The following ZNF710 variants were observed in gnomAD, a reference collection of about 807,000 sequenced individuals.
ZNF710 encodes the protein zinc finger protein 710.
A neutral mutation model predicts 50.6 loss-of-function variants in ZNF710; 13 were observed. The observed-to-expected ratio is 0.26, with a 90% CI of 0.17 to 0.41. The LOEUF (loss-of-function observed/expected upper bound fraction) is 0.41. Ranked by LOEUF, ZNF710 falls within the 10% of genes least tolerant of loss-of-function variation. ZNF710 has a pLI of 1.00. For synonymous variants in ZNF710, 383 were observed against 397.0 expected, an observed-to-expected ratio of 0.96 and a Z score of 0.42; for missense variants, 721 against 936.6, an observed-to-expected ratio of 0.77 and a Z score of 3.01.
At chr15:90,031,983 G>C (rs1030442412) in intron 1 of ZNF710, among the ~76,000 whole-genome samples, 8 of 152,206 alleles carry the variant, frequency 5.3e-5, no homozygotes, top group Admixed American at 3.3e-4. Flanking sequence ...ATTATATTGT[G>C]TACTGAGTAT....
At chr15:90,036,965 A>G (rs1051802973) in intron 1 of ZNF710, among the ~76,000 whole-genome samples, 3 of 152,158 alleles carry the variant, frequency 2.0e-5, no homozygotes, top group African/African-American at 7.2e-5. Flanking sequence ...AAAGAACGCA[A>G]GAATTCTGGA....
At chr15:90,057,329 G>A (rs954092124) in intron 1 of ZNF710, among the ~76,000 whole-genome samples, 5 of 152,140 alleles carry the variant, frequency 3.3e-5, no homozygotes, top group Non-Finnish European at 7.3e-5. Context: ...GAAGGCACCT[G>A]GGGTGGGGAG....
rs147348207 is a variant in ZNF710, at chr15:90,081,729, C to A, written c.*1900C>A. On this transcript the variant is annotated 3_prime_UTR_variant, in exon 5 of 5. Coordinates refer to ENST00000268154, the MANE Select transcript of ZNF710 (RefSeq NM_198526.4). ...CTTTCTCCCCTGGTACCAAAAAGAACCCTGTACCTCTCCTCCTCCTCCTCC... is the reference window on the plus strand; with the variant it reads ...CTTTCTCCCCTGGTACCAAAAAGAAACCTGTACCTCTCCTCCTCCTCCTCC... 6.5e-6 allele frequency: 1 copy of A among 152,766 alleles called. No individual in the cohort carries two copies. The highest frequency in any genetic ancestry group is 2.4e-5 in the African/African-American group (1 of 41,572). The allele number at this position is 152,766 out of a possible 1,614,324, so 9.5% of individuals were successfully genotyped here. A position where few individuals can be genotyped will look rare whatever the true frequency, so the allele number is the denominator to read the frequency against.
intron 1 of ZNF710, among the ~76,000 whole-genome samples, chr15:90,058,701 T>A (rs116648544): frequency 0.098 from 14,025 of 142,400 alleles, 2,556 homozygotes; most frequent in African/African-American, 0.36. Flanking sequence ...CACTATATAT[T>A]TATATATATA....
At chr15:90,029,372 C>T (rs1219894451) in intron 1 of ZNF710, among the ~76,000 whole-genome samples, 5 of 152,156 alleles carry the variant, frequency 3.3e-5, no homozygotes, top group Admixed American at 2.6e-4. Context: ...CCCTTCTGGC[C>T]ATTTGACATC....
chr15:90,057,808 C>G (rs1899871008), intron 1 of ZNF710, among the ~76,000 whole-genome samples: 2 of 152,148 alleles, frequency 1.3e-5, no homozygotes, highest in East Asian at 3.9e-4. Context: ...TTTAACTGGT[C>G]TAGAGTGAGA....
chr15:90,025,568 G>T (rs1482707409), intron 1 of ZNF710: 1 of 152,124 alleles, frequency 6.6e-6, no homozygotes, highest in Non-Finnish European at 1.5e-5. Flanking sequence ...TTTAAACATG[G>T]TTACAAGCAC....
At chr15:90,017,802 A>G (rs1217942389) in intron 1 of ZNF710, among the ~76,000 whole-genome samples, 1 of 151,964 alleles carries the variant, frequency 6.6e-6, no homozygotes, top group African/African-American at 2.4e-5. Flanking sequence ...TCCCAAATGG[A>G]TGCATTTTGA....
intron 1 of ZNF710, among the ~76,000 whole-genome samples, chr15:90,015,827 T>A (rs909987858): frequency 6.6e-6 from 1 of 152,122 alleles, no homozygotes; most frequent in African/African-American, 2.4e-5. Context: ...CCCAGGCTGG[T>A]CTCGAACTCC....
chr15:90,045,748 G>T (rs1483689710), intron 1 of ZNF710, among the ~76,000 whole-genome samples: 1 of 152,170 alleles, frequency 6.6e-6, no homozygotes, highest in Non-Finnish European at 1.5e-5. Flanking sequence ...TCTGGCCCCA[G>T]TTTAGGGGGT....
rs1269260128 is a variant in ZNF710 at position 90,067,637 on chromosome 15, AGCCCCGGACGCTCCGGCATCT to A, written c.507_527del (p.Leu171_Thr177del). ...ATCGACCTCAGCGCCTTCAGCCGCA[AGCCCCGGACGCTCCGGCATCT>A]GCCCCGAACCCCGAGGCCGGAGCTG... On this transcript the variant is annotated inframe_deletion, in exon 2 of 5. Transcript: ENST00000268154. The surrounding 1 kb of genome is among the most constrained non-coding windows in gnomAD (Gnocchi z 8.1). 1 of 1,612,760 alleles carries A rather than the reference AGCCCCGGACGCTCCGGCATCT, an allele frequency of 6.2e-7. No homozygotes were observed. Among genetic ancestry groups the A allele is most frequent in the Non-Finnish European group, 8.5e-7 (1 of 1,179,510 alleles).
rs559953373 is a variant in ZNF710, at chr15:90,029,565, G to A, written c.-29+27951G>A. 1.8e-4 allele frequency among the ~76,000 whole-genome samples: 27 copies of A among 152,278 alleles called. No individual in the cohort carries two copies. The South Asian group carries it at 5.4e-3, about 30-fold the overall frequency. The stretch of plus-strand genomic sequence containing the variant: ...GAGGATCGCTTGCGGCCAGGAGATT[G>A]AGACCAGCCTGGGAAAGGTAGCAAG... On this transcript the variant is annotated intron_variant, in intron 1 of 4. Transcript: ENST00000268154.
chr15:90,060,512 C>A (rs1352406156), intron 1 of ZNF710, among the ~76,000 whole-genome samples: 3 of 151,894 alleles, frequency 2.0e-5, no homozygotes, highest in African/African-American at 7.3e-5. Context: ...TATGATGGCA[C>A]CACTGCACTC....
At chr15:90,052,270 C>G (rs535456707) in intron 1 of ZNF710, among the ~76,000 whole-genome samples, 5 of 152,264 alleles carry the variant, frequency 3.3e-5, no homozygotes, top group Admixed American at 3.3e-4. Flanking sequence ...TCGCAGGGGA[C>G]TTGATCCCAT....
chr15:90,037,105 T>C lies in ZNF710; in HGVS notation c.-28-30005T>C, dbSNP rs116831488. Reference sequence around the variant, plus strand: ...AAAGCCTGGCTCAGCTTGGAGGACCTGGCAGGGGCTCGGGGTGGGGGTGGA... The same window carrying C: ...AAAGCCTGGCTCAGCTTGGAGGACCCGGCAGGGGCTCGGGGTGGGGGTGGA... On this transcript the variant is annotated intron_variant, in intron 1 of 4. Coordinates refer to ENST00000268154, the MANE Select transcript of ZNF710 (RefSeq NM_198526.4). Among the ~76,000 whole-genome samples, 1,414 of 151,544 alleles carry C rather than the reference T, an allele frequency of 9.3e-3. 19 individuals are homozygous for C. The highest frequency in any genetic ancestry group is 0.032 in the African/African-American group (1,339 of 41,266).
intron 2 of ZNF710, among the ~76,000 whole-genome samples, chr15:90,070,730 G>A (rs1412827107): frequency 6.6e-6 from 1 of 151,684 alleles, no homozygotes; most frequent in Non-Finnish European, 1.5e-5. Flanking sequence ...GAAGCAGGAG[G>A]ATTGCTTGAG....
chr15:90,043,245 C>T (rs909384181), intron 1 of ZNF710, among the ~76,000 whole-genome samples: 3 of 152,378 alleles, frequency 2.0e-5, no homozygotes, highest in Non-Finnish European at 2.9e-5. Flanking sequence ...TCATCTGCCC[C>T]GCTACCTGGT....
At position 90,034,942 on chromosome 15, in the gene ZNF710, C is replaced by T. The variant is rs1037326490; in HGVS notation, c.-28-32168C>T. Among the ~76,000 whole-genome samples, 3 of 152,184 alleles carry T rather than the reference C, an allele frequency of 2.0e-5. No individual in the cohort carries two copies. Among genetic ancestry groups the T allele is most frequent in the African/African-American group, 4.8e-5 (2 of 41,462 alleles). On this transcript the variant is annotated intron_variant, in intron 1 of 4. Transcript: ENST00000268154. This position sits in a 1 kb window ranked among gnomAD's most constrained non-coding sequence, Gnocchi z 4.0. ...CACTCAGAGAAAGAGGCTTGATGGC[C>T]GGAGCCCCAGGGCTTCCCTGCTGGT...
chr15:90,050,967 C>T (rs150499425), intron 1 of ZNF710, among the ~76,000 whole-genome samples: 19 of 152,192 alleles, frequency 1.2e-4, no homozygotes, highest in African/African-American at 2.9e-4. Flanking sequence ...GCTGGGGCAC[C>T]GTGGCTCACG....
Sources: gnomAD v4.1 joint callset for allele counts (sites outside exome capture counted in the v4.1 genomes callset) on GRCh38, gnomAD v4.1.1 for gene constraint, Gnocchi (gnomAD v3.1) non-coding constraint, MANE v1.5 for transcripts, NCBI Gene and HGNC (gene_info 2026-07-23, HGNC 2026-07-21) for gene names.